HIKESHI: variants seen among roughly 807,000 people sequenced by gnomAD.
HIKESHI encodes protein Hikeshi.
A neutral mutation model predicts 25.7 loss-of-function variants in HIKESHI; 13 were observed. That is an observed-to-expected ratio of 0.51 (90% CI 0.33 to 0.80). HIKESHI has a LOEUF of 0.80. Ranked by LOEUF, HIKESHI falls within the 30% of genes least tolerant of loss-of-function variation. The probability of loss-of-function intolerance (pLI) is 0.02; values close to 1 mark genes in which losing one functional copy is unlikely to be tolerated. For missense variants in HIKESHI, 174 were observed against 229.5 expected (o/e 0.76, Z 1.56); for synonymous variants, 76 against 78.7 (o/e 0.97, Z 0.18).
intron 2 of HIKESHI, among the ~76,000 whole-genome samples, chr11:86,327,528 A>T (rs1394541647): frequency 1.3e-5 from 2 of 151,936 alleles, no homozygotes; most frequent in African/African-American, 4.8e-5. Flanking sequence ...CTTAGCCAGG[A>T]TGGTCTCGAT....
intron 2 of HIKESHI, among the ~76,000 whole-genome samples, chr11:86,333,820 G>T (rs139561896): frequency 3.5e-4 from 53 of 152,224 alleles, no homozygotes; most frequent in Non-Finnish European, 5.9e-4. Flanking sequence ...CTAAATAATG[G>T]TTATAAATCT....
chr11:86,332,415 T>G (rs1460789026), intron 2 of HIKESHI, among the ~76,000 whole-genome samples: 1 of 152,088 alleles, frequency 6.6e-6, no homozygotes, highest in Non-Finnish European at 1.5e-5. Context: ...TTTGTAGAGG[T>G]CTTAAAGAAC....
Position 86,306,467 on chromosome 11 carries a change from T to C in HIKESHI, c.253T>C (p.Ser85Pro). ...NGKPSAIFKI[S>P]GLKSGEGSQH... ...GAAGCCAAGTGCCATCTTCAAAATT[T>C]CAGGTCTTAAATCTGGTAAGAATAA... Residue 85 changes from serine to proline, a missense_variant, in exon 2 of 5, where the codon TCA becomes CCA. Coordinates refer to ENST00000278483, the MANE Select transcript of HIKESHI (RefSeq NM_016401.4). 1 of 1,602,968 alleles carries C rather than the reference T, an allele frequency of 6.2e-7. No homozygotes were observed. Among genetic ancestry groups the C allele is most frequent in the Non-Finnish European group, 8.5e-7 (1 of 1,170,138 alleles).
chr11:86,337,610 T>G, intron 3 of HIKESHI, 80 bp downstream of exon 3: 1 of 1,384,084 alleles, frequency 7.2e-7, no homozygotes, highest in Middle Eastern at 1.8e-4. Context: ...AAATCGTAAC[T>G]TAGGGTATAC....
At chr11:86,306,188 T>TAAG in intron 1 of HIKESHI, 57 bp from the exon 2 acceptor site, 1 of 1,118,272 alleles carries the variant, frequency 8.9e-7, no homozygotes. Context: ...ATGATACTGT[T>TAAG]AAGAGTTACA....
chr11:86,311,025 T>A (rs1946819759), intron 2 of HIKESHI, among the ~76,000 whole-genome samples: 1 of 152,192 alleles, frequency 6.6e-6, no homozygotes, highest in African/African-American at 2.4e-5. Context: ...AAAATTCTCT[T>A]TTTTTGTTGT....
intron 3 of HIKESHI, among the ~76,000 whole-genome samples, chr11:86,339,743 C>T (rs1166056772): frequency 6.6e-6 from 1 of 152,024 alleles, no homozygotes; most frequent in Admixed American, 6.6e-5. Flanking sequence ...TTTAAATAGT[C>T]AAATAGTTTT....
At position 86,325,785 on chromosome 11, in the gene HIKESHI, T is replaced by C. The variant is rs545878588; in HGVS notation, c.269-11594T>C. Among the ~76,000 whole-genome samples, 4 of 151,444 alleles carry C rather than the reference T, an allele frequency of 2.6e-5. No individual in the cohort carries two copies. The South Asian group carries it at 8.4e-4, about 32-fold the overall frequency. ...TACTCGGGAGGGTGAAGCAGGAGAATGGCTTGAACCCGGGAGGCGGAGGTT... is the reference window on the plus strand; with the variant it reads ...TACTCGGGAGGGTGAAGCAGGAGAACGGCTTGAACCCGGGAGGCGGAGGTT... On this transcript the variant is annotated intron_variant, in intron 2 of 4. Transcript: ENST00000278483.
chr11:86,305,653 C>T (rs532711897), intron 1 of HIKESHI, among the ~76,000 whole-genome samples: 9 of 152,114 alleles, frequency 5.9e-5, no homozygotes, highest in Middle Eastern at 3.2e-3. Flanking sequence ...GCCAGGATTA[C>T]AGCCGTGAGC....
intron 2 of HIKESHI, among the ~76,000 whole-genome samples, chr11:86,319,217 A>AATATATATAT (rs139667221): frequency 1.7e-4 from 20 of 115,070 alleles, no homozygotes; most frequent in Admixed American, 3.1e-4. Flanking sequence ...CTGGCTTAAA[A>AATATATATAT]ATATATATAT....
intron 3 of HIKESHI, among the ~76,000 whole-genome samples, chr11:86,337,854 G>T (rs948553789): frequency 2.0e-5 from 3 of 151,944 alleles, no homozygotes; most frequent in Non-Finnish European, 1.5e-5. Context: ...GTAGAGACAG[G>T]GTATTGCCAT....
At chr11:86,323,646 G>A (rs891026335) in intron 2 of HIKESHI, among the ~76,000 whole-genome samples, 1 of 152,226 alleles carries the variant, frequency 6.6e-6, no homozygotes, top group African/African-American at 2.4e-5. Context: ...TACAGGAGAT[G>A]CTTAGGGAAC....
Position 86,302,526 on chromosome 11 carries a change from G to A in HIKESHI, c.30+48G>A, listed in dbSNP as rs534004052. 8.9e-5 allele frequency: 137 copies of A among 1,542,386 alleles called. 1 individual carries two copies. The South Asian group carries it at 1.5e-3, about 17-fold the overall frequency. On this transcript the variant is annotated intron_variant, in intron 1 of 4. Transcript: ENST00000278483. ...TCAGGAAGGGGTCAGGATACCGAGG[G>A]CGAAGCCCTACGGCAGGGAGGGTGC...
At chr11:86,329,399 A>T (rs1376944) in intron 2 of HIKESHI, among the ~76,000 whole-genome samples, 94,148 of 151,876 alleles carry the variant, frequency 0.62, 29,370 homozygotes, top group East Asian at 0.79. Context: ...TAGAAGTACA[A>T]TTGATTTTTG....
chr11:86,328,671 T>G (rs1947345831), intron 2 of HIKESHI, among the ~76,000 whole-genome samples: 1 of 152,062 alleles, frequency 6.6e-6, no homozygotes, highest in Admixed American at 6.6e-5. Flanking sequence ...CTTGAACTCC[T>G]GACCTTGTGA....
chr11:86,312,122 T>C (rs1487626379), intron 2 of HIKESHI, among the ~76,000 whole-genome samples: 1 of 152,198 alleles, frequency 6.6e-6, no homozygotes, highest in Admixed American at 6.5e-5. Context: ...CCTTGTTAAC[T>C]TTCTGTCTCG....
At chr11:86,334,691 GCAA>G (rs1353409335) in intron 2 of HIKESHI, among the ~76,000 whole-genome samples, 1 of 152,108 alleles carries the variant, frequency 6.6e-6, no homozygotes, top group Admixed American at 6.5e-5. Flanking sequence ...TTCCATAAAA[GCAA>G]CAACAACACT....
intron 3 of HIKESHI, 82 bp from the exon 4 acceptor site, chr11:86,344,521 G>A (rs1359942270): frequency 2.3e-6 from 2 of 855,324 alleles, no homozygotes; most frequent in African/African-American, 3.5e-5. Flanking sequence ...ACAAGTTAAT[G>A]TGAGAACACT....
chr11:86,311,878 G>A (rs552766295), intron 2 of HIKESHI, among the ~76,000 whole-genome samples: 103 of 152,292 alleles, frequency 6.8e-4, no homozygotes, highest in South Asian at 2.9e-3. Flanking sequence ...TTTTGAGTGC[G>A]TTTCTTAATC....
Sources: allele counts gnomAD v4.1 joint callset (sites outside exome capture counted in the v4.1 genomes callset), GRCh38; gene constraint gnomAD v4.1.1; transcripts MANE v1.5; gene names NCBI Gene and HGNC (gene_info 2026-07-23, HGNC 2026-07-21).